The following ADGRV1 variants were observed in gnomAD, a reference collection of about 807,000 sequenced individuals.
ADGRV1 encodes adhesion G protein-coupled receptor V1, also known as G-protein coupled receptor 98.
In ADGRV1, 359 loss-of-function variants were observed where a neutral mutation model predicts 596.2. The observed-to-expected ratio is 0.60, with a 90% CI of 0.55 to 0.66. The LOEUF (loss-of-function observed/expected upper bound fraction) is 0.66. ADGRV1 is among the 30% of genes least tolerant of loss of function. The pLI, the probability that ADGRV1 is intolerant of heterozygous loss-of-function variation, is 0.00. For missense variants in ADGRV1, 7,274 were observed against 7,575.6 expected (o/e 0.96, Z 1.48); for synonymous variants, 2,681 against 2,679.2 (o/e 1.00, Z -0.02).
chr5:90,588,473 G>A (rs868776735), intron 1 of ADGRV1, among the ~76,000 whole-genome samples: 3 of 152,312 alleles, frequency 2.0e-5, no homozygotes, highest in East Asian at 1.9e-4. Flanking sequence ...TTTGGGAGAC[G>A]GTATTTTAAA....
chr5:90,848,107 G>T (rs908840901), intron 78 of ADGRV1, among the ~76,000 whole-genome samples: 21 of 152,118 alleles, frequency 1.4e-4, no homozygotes, highest in African/African-American at 4.8e-4. Context: ...AGTAGGAAGG[G>T]TCATACTTAC....
At position 90,692,694 on chromosome 5, in the gene ADGRV1, T is replaced by A. The variant is rs775936839; in HGVS notation, c.7041T>A (p.Asp2347Glu). The change falls in exon 32 of 90, where the codon GAT (aspartate) becomes GAA (glutamate). Residue 2347 changes from aspartate (D) to glutamate (E), a missense_variant. Physicochemically the swap from Asp to Glu is conservative, Grantham distance 45. Around this residue, in one of 5 missense-constraint regions of ADGRV1, gnomAD observed 3,643 missense variants for 3,809.2 expected, o/e 0.96. Transcript: ENST00000405460. ...IANIIIPAND[D>E]PYGTVAFAQM... ...ATATTATTATTCCTGCCAATGATGA[T>A]CCTTATGGTACAGTAGCCTTTGCTC... 3.1e-6 allele frequency: 5 copies of A among 1,610,910 alleles called. No individual in the cohort carries two copies. The highest frequency in any genetic ancestry group is 1.1e-5 in the South Asian group (1 of 90,336).
At chr5:90,635,388 A>T (rs1000832736) in intron 10 of ADGRV1, 98 bp downstream of exon 10, 6 of 1,094,150 alleles carry the variant, frequency 5.5e-6, no homozygotes, top group Non-Finnish European at 7.7e-6. Context: ...TTAACATCTT[A>T]AAAAGCTTCA....
intron 85 of ADGRV1, among the ~76,000 whole-genome samples, chr5:91,065,296 C>T (rs1581946332): frequency 1.3e-5 from 2 of 152,060 alleles, no homozygotes. Flanking sequence ...GAGGCTGGCA[C>T]ATGAGCCTGT....
chr5:90,605,813 T>G (rs1762049762), intron 1 of ADGRV1, among the ~76,000 whole-genome samples: 1 of 152,172 alleles, frequency 6.6e-6, no homozygotes, highest in South Asian at 2.1e-4. Flanking sequence ...AAGGTAAGGT[T>G]TCTGGGTGAG....
At chr5:90,889,012 G>A (rs1040272323) in intron 83 of ADGRV1, among the ~76,000 whole-genome samples, 2 of 152,080 alleles carry the variant, frequency 1.3e-5, no homozygotes, top group African/African-American at 4.8e-5. Context: ...TGAGTCATTT[G>A]TCTGTTGAAT....
intron 85 of ADGRV1, among the ~76,000 whole-genome samples, chr5:91,042,950 A>G (rs559691694): frequency 6.6e-6 from 1 of 152,088 alleles, no homozygotes; most frequent in South Asian, 2.1e-4. Flanking sequence ...TTCCTTCACA[A>G]GAGAACAAAC....
At position 90,647,541 on chromosome 5, in the gene ADGRV1, T is replaced by C. The variant is rs966795531; in HGVS notation, c.3066T>C (p.Phe1022=). 2.5e-6 allele frequency: 4 copies of C among 1,613,822 alleles called. No individual in the cohort carries two copies. The highest frequency in any genetic ancestry group is 2.7e-5 in the African/African-American group (2 of 75,050). ...VRVQEGETAN[F]TVLRNGSVDV... ...TTCAGGAAGGTGAGACTGCCAACTT[T>C]ACAGTTCTCAGAAATGGATCTGTTG... is the stretch of plus-strand genomic sequence containing the variant. The change falls in exon 17 of 90, where the codon TTT becomes TTC. Residue 1022 remains phenylalanine, a synonymous_variant. Transcript: ENST00000405460.
At chr5:90,596,092 C>T (rs1285008097) in intron 1 of ADGRV1, among the ~76,000 whole-genome samples, 16 of 149,592 alleles carry the variant, frequency 1.1e-4, no homozygotes, top group Admixed American at 1.3e-4. Flanking sequence ...CGGGCAGAGA[C>T]GCTCCTCAAC....
At chr5:90,885,337 T>C (rs544363607) in intron 83 of ADGRV1, among the ~76,000 whole-genome samples, 1 of 152,318 alleles carries the variant, frequency 6.6e-6, no homozygotes, top group East Asian at 1.9e-4. Context: ...CAAAGACTTC[T>C]TAAAGTCTCA....
At chr5:90,906,245 A>G (rs1341306164) in intron 83 of ADGRV1, among the ~76,000 whole-genome samples, 1 of 152,128 alleles carries the variant, frequency 6.6e-6, no homozygotes, top group Non-Finnish European at 1.5e-5. Flanking sequence ...GCCTGATAGA[A>G]TGAGTTTGGA....
chr5:90,978,543 A>G (rs975189120), intron 84 of ADGRV1, among the ~76,000 whole-genome samples: 4 of 152,070 alleles, frequency 2.6e-5, no homozygotes, highest in Non-Finnish European at 4.4e-5. Context: ...CTCAACAAAA[A>G]TTTACTGTAT....
At chr5:90,661,461 T>G (rs949542323) in intron 21 of ADGRV1, among the ~76,000 whole-genome samples, 1 of 152,218 alleles carries the variant, frequency 6.6e-6, no homozygotes, top group African/African-American at 2.4e-5. Flanking sequence ...ATATAAGTGA[T>G]ATTGGTATAA....
chr5:90,756,790 G>A, intron 56 of ADGRV1, 160 bp downstream of exon 56: 1 of 759,018 alleles, frequency 1.3e-6, no homozygotes, highest in Non-Finnish European at 2.1e-6. Context: ...CTAGACCAAA[G>A]GATTCAACAA....
At chr5:91,070,983 A>G (rs1008120275) in intron 85 of ADGRV1, among the ~76,000 whole-genome samples, 2 of 152,316 alleles carry the variant, frequency 1.3e-5, no homozygotes, top group East Asian at 1.9e-4. Flanking sequence ...GTGGTTTCCA[A>G]AGGATTCTGG....
intron 10 of ADGRV1, 112 bp downstream of exon 10, chr5:90,635,402 T>C (rs1766050453): frequency 1.3e-5 from 12 of 935,912 alleles, no homozygotes; most frequent in Non-Finnish European, 1.9e-5. Flanking sequence ...AGCTTCAGCA[T>C]GTACAAGAAG....
intron 85 of ADGRV1, among the ~76,000 whole-genome samples, chr5:91,004,411 G>A (rs1407362783): frequency 2.0e-5 from 3 of 151,548 alleles, no homozygotes; most frequent in Non-Finnish European, 4.4e-5. Flanking sequence ...TTATAAATTA[G>A]ATTCTGAATC....
chr5:90,967,915 G>A (rs1035452782), intron 84 of ADGRV1, among the ~76,000 whole-genome samples: 2 of 152,148 alleles, frequency 1.3e-5, no homozygotes, highest in Non-Finnish European at 2.9e-5. Flanking sequence ...TGCGTTGATA[G>A]CAGTATGGAA....
intron 2 of ADGRV1, chr5:90,617,265 T>C (rs1763479224): frequency 6.6e-6 from 1 of 152,100 alleles, no homozygotes; most frequent in African/African-American, 2.4e-5. Flanking sequence ...ATATTTGTTT[T>C]CGTTTCACAG....
Sources: allele counts gnomAD v4.1 joint callset (sites outside exome capture counted in the v4.1 genomes callset), GRCh38; gene constraint gnomAD v4.1.1; regional missense constraint gnomAD v4.1.1; transcripts MANE v1.5; gene names NCBI Gene and HGNC (gene_info 2026-07-23, HGNC 2026-07-21).